The following ATP8A2 variants were observed in gnomAD, a reference collection of about 807,000 sequenced individuals.
ATP8A2 encodes the protein ATPase phospholipid transporting 8A2, also known as phospholipid-transporting ATPase IB.
ATP8A2 carries 100 observed loss-of-function variants against 165.6 expected under a neutral mutation model. The observed-to-expected ratio is 0.60, with a 90% CI of 0.51 to 0.71. The LOEUF is 0.71. Among genes scored for constraint, ATP8A2 ranks in the 30% least tolerant of loss-of-function variants. The probability of loss-of-function intolerance (pLI) is 0.00; values close to 1 mark genes in which losing one functional copy is unlikely to be tolerated. For synonymous variants in ATP8A2, 543 were observed against 548.8 expected (o/e 0.99, Z 0.15); for missense variants, 1,227 against 1,479.5 (o/e 0.83, Z 2.80).
chr13:25,921,372 A>G (rs201241376), intron 33 of ATP8A2, among the ~76,000 whole-genome samples: 4 of 151,812 alleles, frequency 2.6e-5, no homozygotes, highest in African/African-American at 9.7e-5. Flanking sequence ...AATCCCAGCA[A>G]TTTGGGAGGC....
chr13:25,410,815 C>T (rs1234933412), intron 1 of ATP8A2, among the ~76,000 whole-genome samples: 1 of 152,236 alleles, frequency 6.6e-6, no homozygotes, highest in African/African-American at 2.4e-5. Context: ...CCAACATCAT[C>T]CCTGGAATTT....
intron 30 of ATP8A2, among the ~76,000 whole-genome samples, chr13:25,844,693 G>A (rs1951819454): frequency 6.6e-6 from 1 of 152,162 alleles, no homozygotes; most frequent in South Asian, 2.1e-4. Flanking sequence ...TGCAAGAGCT[G>A]CCTGAAGCCA....
At chr13:25,912,164 A>G (rs1343264125) in intron 33 of ATP8A2, among the ~76,000 whole-genome samples, 1 of 133,496 alleles carries the variant, frequency 7.5e-6, no homozygotes, top group Non-Finnish European at 1.5e-5. Context: ...AGACACACAC[A>G]CACACACACA....
At chr13:25,873,798 C>G (rs1320899154) in intron 33 of ATP8A2, 1 of 165,850 alleles carries the variant, frequency 6.0e-6, no homozygotes, top group African/African-American at 2.4e-5. Context: ...ACCACCACAC[C>G]TGGCTAATTT....
At chr13:25,481,757 T>TAGC (rs751194455) in intron 2 of ATP8A2, among the ~76,000 whole-genome samples, 1 of 152,160 alleles carries the variant, frequency 6.6e-6, no homozygotes, top group Non-Finnish European at 1.5e-5. Flanking sequence ...GGCTTGCAGA[T>TAGC]AGCTGCTTTC....
At chr13:25,377,804 ACAAAG>A (rs1566089667) in intron 1 of ATP8A2, among the ~76,000 whole-genome samples, 2 of 151,984 alleles carry the variant, frequency 1.3e-5, no homozygotes, top group African/African-American at 4.8e-5. Context: ...ACAAAACAAA[ACAAAG>A]CAAAACAAAA....
intron 27 of ATP8A2, among the ~76,000 whole-genome samples, chr13:25,782,809 G>A (rs557983788): frequency 1.3e-4 from 20 of 152,168 alleles, no homozygotes; most frequent in African/African-American, 4.3e-4. Context: ...GCGTGATCTC[G>A]ACTCACTGCA....
At chr13:25,690,989 T>A (rs2042712401) in intron 24 of ATP8A2, among the ~76,000 whole-genome samples, 1 of 152,206 alleles carries the variant, frequency 6.6e-6, no homozygotes, top group South Asian at 2.1e-4. Context: ...TGTGCTGTGT[T>A]CATACATTGG....
At chr13:25,984,151 C>T (rs555208981) in intron 35 of ATP8A2, among the ~76,000 whole-genome samples, 1 of 151,722 alleles carries the variant, frequency 6.6e-6, no homozygotes, top group Admixed American at 6.6e-5. Flanking sequence ...GCATGGGGAT[C>T]GTTTGAGCCC....
intron 13 of ATP8A2, among the ~76,000 whole-genome samples, chr13:25,555,799 T>A (rs2038963353): frequency 6.6e-6 from 1 of 152,056 alleles, no homozygotes. Context: ...TAGTCCCCAG[T>A]GTCTCTTGTT....
At chr13:25,600,367 T>A (rs1364318786) in intron 24 of ATP8A2, among the ~76,000 whole-genome samples, 1 of 152,174 alleles carries the variant, frequency 6.6e-6, no homozygotes, top group Non-Finnish European at 1.5e-5. Context: ...GGAGTGTGGT[T>A]GGTAGTTCCT....
chr13:25,871,828 C>T (rs984765843), intron 33 of ATP8A2, among the ~76,000 whole-genome samples: 1 of 152,126 alleles, frequency 6.6e-6, no homozygotes, highest in Admixed American at 6.5e-5. Flanking sequence ...TGTGTCTGTG[C>T]TTGTATGTAT....
chr13:25,399,880 T>C (rs1213310524), intron 1 of ATP8A2, among the ~76,000 whole-genome samples: 4 of 102,040 alleles, frequency 3.9e-5, no homozygotes, highest in Admixed American at 9.3e-5. Context: ...CTTCTTCCTC[T>C]TCCTCCTCCT....
At chr13:25,679,259 G>T (rs1031193558) in intron 24 of ATP8A2, among the ~76,000 whole-genome samples, 5 of 152,162 alleles carry the variant, frequency 3.3e-5, no homozygotes, top group African/African-American at 1.2e-4. Flanking sequence ...TAAATTCTCT[G>T]TACTACTGGA....
chr13:25,397,572 G>C (rs942521628), intron 1 of ATP8A2, among the ~76,000 whole-genome samples: 27 of 151,952 alleles, frequency 1.8e-4, no homozygotes, highest in African/African-American at 6.5e-4. Context: ...CTCTTCACTG[G>C]GAAACCCTGA....
intron 33 of ATP8A2, among the ~76,000 whole-genome samples, chr13:25,941,087 T>G (rs992322675): frequency 5.9e-5 from 9 of 152,126 alleles, no homozygotes; most frequent in African/African-American, 1.9e-4. Flanking sequence ...GATCGAGAAC[T>G]TTCTGACTCC....
Position 25,468,971 on chromosome 13 carries a change from C to G in ATP8A2, c.77-6C>G, listed in dbSNP as rs756806400. 4 of 1,613,940 alleles carry G rather than the reference C, an allele frequency of 2.5e-6. No homozygotes were observed. Among genetic ancestry groups the G allele is most frequent in the Non-Finnish European group, 3.4e-6 (4 of 1,179,832 alleles). ...CGTATTCTCTGCCTGCGCCCTGTCTCTGCAGGACCTGTTCGTTCTTCTTTG... is the reference window on the plus strand; with the variant it reads ...CGTATTCTCTGCCTGCGCCCTGTCTGTGCAGGACCTGTTCGTTCTTCTTTG... On this transcript the variant is annotated splice_polypyrimidine_tract_variant and splice_region_variant and intron_variant, in intron 1 of 36. Coordinates refer to ENST00000381655, the MANE Select transcript of ATP8A2 (RefSeq NM_016529.6).
chr13:25,959,454 G>A (rs770370806), intron 33 of ATP8A2, among the ~76,000 whole-genome samples: 1 of 152,200 alleles, frequency 6.6e-6, no homozygotes, highest in Non-Finnish European at 1.5e-5. Flanking sequence ...TTTTTGTAAA[G>A]GTAAGGAAAT....
chr13:25,651,659 T>C (rs1289804430), intron 24 of ATP8A2, among the ~76,000 whole-genome samples: 1 of 152,124 alleles, frequency 6.6e-6, no homozygotes, highest in Non-Finnish European at 1.5e-5. Context: ...CAGGGGAGTT[T>C]ATTAGATTTT....
Sources: allele counts gnomAD v4.1 joint callset (sites outside exome capture counted in the v4.1 genomes callset), GRCh38; gene constraint gnomAD v4.1.1; transcripts MANE v1.5; gene names NCBI Gene and HGNC (gene_info 2026-07-23, HGNC 2026-07-21).